The following UNC80 variants were observed in gnomAD, a reference collection of about 807,000 sequenced individuals.
UNC80 encodes the protein protein unc-80 homolog.
A neutral mutation model predicts 384.6 loss-of-function variants in UNC80; 164 were observed. That is an observed-to-expected ratio of 0.43 (90% CI 0.38 to 0.49). UNC80 has a LOEUF of 0.49. Ranked by LOEUF, UNC80 falls within the 20% of genes least tolerant of loss-of-function variation. The pLI, the probability that UNC80 is intolerant of heterozygous loss-of-function variation, is 0.00. For missense variants in UNC80, 3,330 were observed against 4,143.0 expected, an observed-to-expected ratio of 0.80 and a Z score of 5.39; for synonymous variants, 1,486 against 1,527.8, an observed-to-expected ratio of 0.97 and a Z score of 0.64.
intron 7 of UNC80, chr2:209,794,940 G>A: frequency 8.4e-6 from 3 of 357,438 alleles, no homozygotes; most frequent in South Asian, 6.6e-5. Context: ...TACCAGTAGA[G>A]TGGGGCATTG....
chr2:209,924,991 G>C (rs1309979725), intron 35 of UNC80, among the ~76,000 whole-genome samples: 1 of 151,996 alleles, frequency 6.6e-6, no homozygotes, highest in African/African-American at 2.4e-5. Context: ...CAGCTACCAT[G>C]GTTGCAAGGT....
chr2:209,826,407 A>T (rs1298968558), intron 14 of UNC80, among the ~76,000 whole-genome samples: 1 of 152,208 alleles, frequency 6.6e-6, no homozygotes, highest in Non-Finnish European at 1.5e-5. Flanking sequence ...CTTTTTAATC[A>T]TCTGCCTGGG....
At chr2:209,881,121 T>C in intron 25 of UNC80, 27 bp downstream of exon 25, 2 of 1,550,974 alleles carry the variant, frequency 1.3e-6, no homozygotes, top group Non-Finnish European at 1.7e-6. Flanking sequence ...AAGTTAATAA[T>C]CAGGTTACTC....
rs772284784 is a variant in UNC80 at position 209,772,194 on chromosome 2, C to G, written c.92+30C>G. The stretch of plus-strand genomic sequence containing the variant: ...GGGGCGCAGAGGGCGCACCGCGGGC[C>G]GCCCTGGGCTGGGGGCGCTCCTGGG... On this transcript the variant is annotated intron_variant, in intron 1 of 64. Transcript: ENST00000673920. 6.1e-6 allele frequency: 9 copies of G among 1,484,406 alleles called. No homozygotes were observed. In the South Asian group the frequency reaches 1.1e-4, roughly 18 times the overall value. The allele number at this position is 1,484,406 out of a possible 1,614,324, so 92.0% of individuals were successfully genotyped here.
chr2:209,982,003 A>G (rs1220653526), intron 59 of UNC80, among the ~76,000 whole-genome samples, 176 bp from the exon 60 acceptor site: 5 of 152,210 alleles, frequency 3.3e-5, no homozygotes, highest in Non-Finnish European at 2.9e-5. Context: ...AAGAATTATC[A>G]TTACCCCCAA....
chr2:209,799,552 A>G (rs2078400417), intron 7 of UNC80, among the ~76,000 whole-genome samples: 1 of 152,160 alleles, frequency 6.6e-6, no homozygotes, highest in African/African-American at 2.4e-5. Flanking sequence ...TCCTATTTTA[A>G]TACCCTTTAT....
chr2:209,858,159 C>T (rs1434327613), intron 22 of UNC80, among the ~76,000 whole-genome samples: 1 of 152,112 alleles, frequency 6.6e-6, no homozygotes, highest in Non-Finnish European at 1.5e-5. Context: ...ACAGTGATGA[C>T]ATTTTTTGTT....
chr2:209,988,139 C>T (rs2093325802), intron 61 of UNC80, among the ~76,000 whole-genome samples: 1 of 152,160 alleles, frequency 6.6e-6, no homozygotes, highest in South Asian at 2.1e-4. Flanking sequence ...AGGATTTAGT[C>T]TACTGCGTAT....
intron 28 of UNC80, among the ~76,000 whole-genome samples, chr2:209,900,258 C>T (rs999605738): frequency 2.3e-4 from 35 of 152,074 alleles, no homozygotes; most frequent in African/African-American, 8.0e-4. Context: ...TGTGGCAACC[C>T]TGCATTGAGC....
chr2:209,944,986 T>C, intron 45 of UNC80, 65 bp from the exon 46 acceptor site: 1 of 1,516,300 alleles, frequency 6.6e-7, no homozygotes, highest in Non-Finnish European at 8.9e-7. Context: ...AAAATTTGAA[T>C]TCCTGTCAAG....
chr2:209,814,573 A>G (rs2079601645), intron 8 of UNC80, among the ~76,000 whole-genome samples: 1 of 152,160 alleles, frequency 6.6e-6, no homozygotes, highest in Non-Finnish European at 1.5e-5. Flanking sequence ...TAATGTCATC[A>G]TTAGGAATAT....
chr2:209,780,764 A>G (rs2077115049), intron 4 of UNC80, among the ~76,000 whole-genome samples: 1 of 152,060 alleles, frequency 6.6e-6, no homozygotes, highest in East Asian at 1.9e-4. Flanking sequence ...GCCTGCCGTT[A>G]TCAGGTTCTG....
intron 29 of UNC80, among the ~76,000 whole-genome samples, chr2:209,909,281 T>G (rs1417133974): frequency 6.6e-6 from 1 of 152,218 alleles, no homozygotes; most frequent in Non-Finnish European, 1.5e-5. Flanking sequence ...TAATTTTTGT[T>G]GTAAGGAACA....
intron 53 of UNC80, 77 bp from the exon 54 acceptor site, chr2:209,970,755 A>G (rs1020336470): frequency 2.9e-5 from 42 of 1,460,552 alleles, no homozygotes; most frequent in Non-Finnish European, 3.1e-5. Flanking sequence ...TATTATCATC[A>G]TCATTGAGAC....
chr2:209,910,016 G>C (rs1190817534), intron 29 of UNC80, among the ~76,000 whole-genome samples: 1 of 150,514 alleles, frequency 6.6e-6, no homozygotes, highest in Non-Finnish European at 1.5e-5. Flanking sequence ...GTGGTCCTTT[G>C]AAGAGTTTGA....
intron 25 of UNC80, among the ~76,000 whole-genome samples, chr2:209,884,083 G>C (rs145379738): frequency 0.016 from 2,362 of 152,208 alleles, 77 homozygotes; most frequent in African/African-American, 0.054. Flanking sequence ...TATGTCTAAA[G>C]AAAGGGAAGG....
intron 38 of UNC80, among the ~76,000 whole-genome samples, chr2:209,932,129 G>A (rs570564512): frequency 6.6e-6 from 1 of 152,212 alleles, no homozygotes; most frequent in African/African-American, 2.4e-5. Context: ...GTCACTCAAA[G>A]CCTGTCTGCT....
rs1046643809 is a variant in UNC80 at position 209,850,449 on chromosome 2, C to T, written c.3627+826C>T. 5.3e-5 allele frequency among the ~76,000 whole-genome samples: 8 copies of T among 151,800 alleles called. No individual in the cohort carries two copies. The South Asian group carries it at 6.2e-4, about 12-fold the overall frequency. On this transcript the variant is annotated intron_variant, in intron 22 of 64. Transcript: ENST00000673920. The stretch of plus-strand genomic sequence containing the variant: ...GCCTGCCAATAAATGATCCTTTTTT[C>T]GGGTTTTATGACACATGAATAAGTG...
At chr2:209,936,985 G>GCCTA (rs2091291626) in intron 41 of UNC80, 52 bp downstream of exon 41, 1 of 1,281,686 alleles carries the variant, frequency 7.8e-7, no homozygotes, top group Admixed American at 2.0e-5. Flanking sequence ...GGCTTATCAT[G>GCCTA]CCTACCTGAG....
Sources: allele counts gnomAD v4.1 joint callset (sites outside exome capture counted in the v4.1 genomes callset), GRCh38; gene constraint gnomAD v4.1.1; transcripts MANE v1.5; gene names NCBI Gene and HGNC (gene_info 2026-07-23, HGNC 2026-07-21).